Variants in ARRB1 observed in about 807,000 individuals in gnomAD.
ARRB1 encodes the protein arrestin beta 1.
ARRB1 carries 21 observed loss-of-function variants against 56.8 expected under a neutral mutation model. The ratio of observed to expected loss-of-function variants is 0.37; its 90% CI spans 0.26 to 0.53. The LOEUF (loss-of-function observed/expected upper bound fraction) is 0.53, where lower values mean the gene tolerates loss of function less well. Among genes scored for constraint, ARRB1 ranks in the 20% least tolerant of loss-of-function variants. The probability of loss-of-function intolerance (pLI) is 0.88; values close to 1 mark genes in which losing one functional copy is unlikely to be tolerated. For synonymous variants in ARRB1, 210 were observed against 218.6 expected (o/e 0.96, Z 0.35); for missense variants, 424 against 553.7 (o/e 0.77, Z 2.35).
At chr11:75,295,986 A>AAC (rs1326687685) in intron 1 of ARRB1, among the ~76,000 whole-genome samples, 1 of 152,088 alleles carries the variant, frequency 6.6e-6, no homozygotes, top group African/African-American at 2.4e-5. Context: ...GGAGTTTGAG[A>AAC]CCAGCCCGGT....
chr11:75,291,685 T>C (rs1474645791), intron 1 of ARRB1, among the ~76,000 whole-genome samples: 2 of 151,778 alleles, frequency 1.3e-5, no homozygotes, highest in Non-Finnish European at 2.9e-5. Context: ...AATTGAAAGA[T>C]AGAGACAGAG....
chr11:75,274,296 CTG>C lies in ARRB1; in HGVS notation c.777-87_777-86del, dbSNP rs1221943709. On this transcript the variant is annotated intron_variant, in intron 10 of 15. Coordinates refer to ENST00000420843, the MANE Select transcript of ARRB1 (RefSeq NM_004041.5). Reference sequence around the variant, plus strand: ...TCTCCAGCCCAGCAGAATATCTAGTCTGAGCCTGCTCCAAGTCTCCCTCTCCC... The same window carrying C: ...TCTCCAGCCCAGCAGAATATCTAGTCAGCCTGCTCCAAGTCTCCCTCTCCC... The C allele has an allele frequency of 3.2e-6, 5 of 1,551,074 alleles. 1 individual carries two copies. In the Admixed American group the frequency reaches 5.3e-5, roughly 17 times the overall value.
chr11:75,319,789 C>T (rs889779183), intron 1 of ARRB1, among the ~76,000 whole-genome samples: 18 of 152,100 alleles, frequency 1.2e-4, no homozygotes, highest in African/African-American at 4.3e-4. Flanking sequence ...TAAGGGTCCC[C>T]AGGGGGACCC....
At chr11:75,293,511 G>A (rs1012158596) in intron 1 of ARRB1, among the ~76,000 whole-genome samples, 2 of 152,182 alleles carry the variant, frequency 1.3e-5, no homozygotes, top group South Asian at 4.1e-4. Context: ...TGTCAACTTT[G>A]AAGAGCAAGC....
At position 75,269,754 on chromosome 11, in the gene ARRB1, TGAG is replaced by T. The variant is rs565504478; in HGVS notation, c.1023-798_1023-796del. Among the ~76,000 whole-genome samples, 873 of 152,372 alleles carry T rather than the reference TGAG, an allele frequency of 5.7e-3. 4 individuals are homozygous for T. Among genetic ancestry groups the T allele is most frequent in the Non-Finnish European group, 9.3e-3 (634 of 68,034 alleles). ...ATGTACAGACTGGGACATTGAGGCA[TGAG>T]GAGATTAAAATATCTTGCCCAAGGC... On this transcript the variant is annotated intron_variant, in intron 13 of 15. Transcript: ENST00000420843.
chr11:75,266,377 C>T (rs534441244), intron 15 of ARRB1, 103 bp from the exon 16 acceptor site: 86 of 908,100 alleles, frequency 9.5e-5, no homozygotes, highest in African/African-American at 7.6e-4. Flanking sequence ...GCTCTGGGGC[C>T]GGGGAGAACC....
At chr11:75,303,637 C>T (rs1159650291) in intron 1 of ARRB1, 1 of 456,188 alleles carries the variant, frequency 2.2e-6, no homozygotes, top group African/African-American at 2.0e-5. Flanking sequence ...TGTTGTTTCC[C>T]CAGAGCACCT....
At chr11:75,341,497 TTA>T in intron 1 of ARRB1, among the ~76,000 whole-genome samples, 1 of 152,202 alleles carries the variant, frequency 6.6e-6, no homozygotes, top group East Asian at 1.9e-4. Flanking sequence ...ATTAATATTA[TTA>T]TACCTATTTC....
At chr11:75,339,545 TGC>T (rs1464656116) in intron 1 of ARRB1, among the ~76,000 whole-genome samples, 1 of 152,224 alleles carries the variant, frequency 6.6e-6, no homozygotes, top group Non-Finnish European at 1.5e-5. Flanking sequence ...ACAGAGATAC[TGC>T]CAGGAAGAGT....
intron 1 of ARRB1, among the ~76,000 whole-genome samples, chr11:75,329,994 C>T (rs1003254610): frequency 1.3e-5 from 2 of 151,752 alleles, no homozygotes; most frequent in Non-Finnish European, 2.9e-5. Context: ...GACTGAGACC[C>T]TGTCTCTAAA....
chr11:75,322,547 T>C lies in ARRB1; in HGVS notation c.20+29041A>G, dbSNP rs546485649. 4.6e-4 allele frequency among the ~76,000 whole-genome samples: 70 copies of C among 152,008 alleles called. 1 individual carries two copies. Among genetic ancestry groups the C allele is most frequent in the African/African-American group, 1.5e-3 (64 of 41,460 alleles). Reference sequence around the variant, plus strand: ...ACAACAAAAAACACCAAACCTACTATGGGAGGGTTCTAGGGGAAGACAGGG... The same window carrying C: ...ACAACAAAAAACACCAAACCTACTACGGGAGGGTTCTAGGGGAAGACAGGG... On this transcript the variant is annotated intron_variant, in intron 1 of 15. Transcript: ENST00000420843.
intron 10 of ARRB1, among the ~76,000 whole-genome samples, chr11:75,275,157 A>ATTTTT (rs1554972757): frequency 6.6e-6 from 1 of 150,626 alleles, no homozygotes; most frequent in Non-Finnish European, 1.5e-5. Context: ...ATTTTATTTT[A>ATTTTT]TTTTTTTGAG....
intron 1 of ARRB1, among the ~76,000 whole-genome samples, chr11:75,312,315 C>T (rs1015948221): frequency 1.3e-5 from 2 of 152,166 alleles, no homozygotes; most frequent in Non-Finnish European, 2.9e-5. Context: ...CTTCCTAGGA[C>T]CCCTGACCGC....
intron 15 of ARRB1, among the ~76,000 whole-genome samples, chr11:75,266,583 G>A (rs557340056): frequency 1.2e-4 from 19 of 152,224 alleles, no homozygotes; most frequent in East Asian, 7.7e-4. Flanking sequence ...TTTAGGAGGT[G>A]GGGGGAGCAG....
At chr11:75,302,089 C>T (rs1257256114) in intron 1 of ARRB1, among the ~76,000 whole-genome samples, 1 of 152,166 alleles carries the variant, frequency 6.6e-6, no homozygotes, top group South Asian at 2.1e-4. Flanking sequence ...TGGGGACCGC[C>T]GGCTTCTGTG....
At chr11:75,266,824 T>C (rs1253812088) in intron 15 of ARRB1, among the ~76,000 whole-genome samples, 1 of 152,142 alleles carries the variant, frequency 6.6e-6, no homozygotes, top group Non-Finnish European at 1.5e-5. Context: ...GCTCAGATTC[T>C]ACCTTGGGGG....
intron 1 of ARRB1, among the ~76,000 whole-genome samples, chr11:75,315,467 C>A (rs747340209): frequency 2.0e-5 from 3 of 152,182 alleles, no homozygotes; most frequent in Non-Finnish European, 4.4e-5. Flanking sequence ...CCCAACAAAG[C>A]CTCCAGTCCA....
At chr11:75,290,165 G>T in intron 1 of ARRB1, 126 bp from the exon 2 acceptor site, 1 of 1,152,338 alleles carries the variant, frequency 8.7e-7, no homozygotes, top group Non-Finnish European at 1.3e-6. Flanking sequence ...ATGCAGGCTT[G>T]AGATCCGAAC....
intron 1 of ARRB1, among the ~76,000 whole-genome samples, chr11:75,311,314 C>T (rs145235225): frequency 0.014 from 2,064 of 152,190 alleles, 36 homozygotes; most frequent in African/African-American, 0.046. Flanking sequence ...CCAGCCTGGG[C>T]AACAAGAGTG....
Sources: allele counts gnomAD v4.1 joint callset (sites outside exome capture counted in the v4.1 genomes callset), GRCh38; gene constraint gnomAD v4.1.1; transcripts MANE v1.5; gene names NCBI Gene and HGNC (gene_info 2026-07-23, HGNC 2026-07-21).